The following FAF1 variants were observed in gnomAD, a reference collection of about 807,000 sequenced individuals.
FAF1 encodes the protein FAS-associated factor 1.
In FAF1, 25 loss-of-function variants were observed where a neutral mutation model predicts 92.5. The observed-to-expected ratio is 0.27, with a 90% CI of 0.20 to 0.38. FAF1 has a LOEUF of 0.38. FAF1 is among the 10% of genes least tolerant of loss of function. The pLI, the probability that FAF1 is intolerant of heterozygous loss-of-function variation, is 1.00. For synonymous variants in FAF1, 234 were observed against 273.2 expected (o/e 0.86, Z 1.42); for missense variants, 636 against 793.3 (o/e 0.80, Z 2.38).
chr1:50,920,767 C>T (rs1028309469), intron 1 of FAF1, among the ~76,000 whole-genome samples: 2 of 152,136 alleles, frequency 1.3e-5, no homozygotes, highest in Admixed American at 1.3e-4. Context: ...TTTCCTTTAT[C>T]AGCAGAAGGA....
Position 50,918,570 on chromosome 1 carries a change from AT to A in FAF1, c.45+41196del, listed in dbSNP as rs536715581. Among the ~76,000 whole-genome samples, 97 of 33,086 alleles carry A rather than the reference AT, an allele frequency of 2.9e-3. 2 individuals carry two copies. Among genetic ancestry groups the A allele is most frequent in the African/African-American group, 0.012 (90 of 7,602 alleles). The allele number at this position is 33,086 out of a possible 152,430, so 21.7% of individuals were successfully genotyped here. A position where few individuals can be genotyped will look rare whatever the true frequency, so the allele number is the denominator to read the frequency against. ...GTATTCCATGGTGTATATGTGCCACATTTTCTTAATCCAGTCTATCATTGTT... is the reference window on the plus strand; with the variant it reads ...GTATTCCATGGTGTATATGTGCCACATTTCTTAATCCAGTCTATCATTGTT... On this transcript the variant is annotated intron_variant, in intron 1 of 18. Transcript: ENST00000396153.
intron 8 of FAF1, among the ~76,000 whole-genome samples, chr1:50,616,703 C>T (rs1652929520): frequency 1.4e-5 from 2 of 145,494 alleles, no homozygotes; most frequent in Non-Finnish European, 3.0e-5. Flanking sequence ...TTTTTTGAGA[C>T]AGAGTCTCAC....
chr1:50,665,691 G>A (rs1056442373), intron 7 of FAF1, among the ~76,000 whole-genome samples: 4 of 152,114 alleles, frequency 2.6e-5, no homozygotes, highest in African/African-American at 9.7e-5. Flanking sequence ...GGCCTAAAAA[G>A]CCCAAAATAG....
At chr1:50,764,027 G>A (rs953651627) in intron 4 of FAF1, among the ~76,000 whole-genome samples, 3 of 152,154 alleles carry the variant, frequency 2.0e-5, no homozygotes, top group South Asian at 4.2e-4. Flanking sequence ...AATGGAGGAG[G>A]AGATATAAGA....
chr1:50,541,713 G>A (rs1344387234), intron 13 of FAF1, among the ~76,000 whole-genome samples: 2 of 150,930 alleles, frequency 1.3e-5, no homozygotes, highest in Non-Finnish European at 2.9e-5. Context: ...TAGCTAAACA[G>A]GATACCTACC....
Position 50,847,277 on chromosome 1 carries a change from AC to A in FAF1, c.114+10651del, listed in dbSNP as rs544972797. ...ACGTGATTTTAGAAATTAAAAAAAA[AC>A]AGACTGAGATAGGACACAGATGTTA... On this transcript the variant is annotated intron_variant, in intron 2 of 18. Coordinates refer to ENST00000396153, the MANE Select transcript of FAF1 (RefSeq NM_007051.3). Among the ~76,000 whole-genome samples, 6 of 152,260 alleles carry A rather than the reference AC, an allele frequency of 3.9e-5. No individual in the cohort carries two copies. In the South Asian group the frequency reaches 1.0e-3, roughly 26 times the overall value.
chr1:50,554,364 AATAT>A lies in FAF1; in HGVS notation c.1268+12709_1268+12712del, dbSNP rs149420376. On this transcript the variant is annotated intron_variant, in intron 13 of 18. Coordinates refer to ENST00000396153, the MANE Select transcript of FAF1 (RefSeq NM_007051.3). ...ATTGTGGAAAAGATTAAATGAGGTAAATATATATATATATATATATATATATAGA... is the reference window on the plus strand; with the variant it reads ...ATTGTGGAAAAGATTAAATGAGGTAAATATATATATATATATATATATAGA... Among the ~76,000 whole-genome samples the A allele has an allele frequency of 7.5e-3, 874 of 117,152 alleles. 16 individuals carry two copies. Among genetic ancestry groups the A allele is most frequent in the East Asian group, 0.051 (220 of 4,294 alleles). 76.9% of individuals were successfully genotyped at this position (117,152 alleles called of 152,430 possible).
intron 8 of FAF1, among the ~76,000 whole-genome samples, chr1:50,622,500 C>T (rs1431877263): frequency 2.0e-5 from 3 of 152,078 alleles, no homozygotes; most frequent in Admixed American, 6.6e-5. Context: ...ACTTCCAGGC[C>T]GCATTTAGTT....
intron 7 of FAF1, among the ~76,000 whole-genome samples, chr1:50,656,575 A>C (rs1477249574): frequency 6.6e-6 from 1 of 152,192 alleles, no homozygotes; most frequent in East Asian, 1.9e-4. Flanking sequence ...GTTAAACTCT[A>C]CGTCAGCCAG....
chr1:50,562,696 T>C lies in FAF1; in HGVS notation c.1268+4381A>G, dbSNP rs74080005. Among the ~76,000 whole-genome samples the C allele has an allele frequency of 7.7e-3, 1,166 of 152,350 alleles. 12 individuals carry two copies. The highest frequency in any genetic ancestry group is 0.027 in the African/African-American group (1,126 of 41,562). ...TATTATATATTAGCTCTTATGTCTG[T>C]TTTGCCTACTAGACTATATGTGTTT... On this transcript the variant is annotated intron_variant, in intron 13 of 18. Transcript: ENST00000396153.
At chr1:50,444,389 G>C (rs1056746426) in intron 18 of FAF1, among the ~76,000 whole-genome samples, 1 of 152,208 alleles carries the variant, frequency 6.6e-6, no homozygotes, top group African/African-American at 2.4e-5. Context: ...GTTGCTATAT[G>C]GGTAGGGAGG....
At chr1:50,793,014 G>A (rs1661618206) in intron 3 of FAF1, among the ~76,000 whole-genome samples, 1 of 151,846 alleles carries the variant, frequency 6.6e-6, no homozygotes, top group Admixed American at 6.6e-5. Flanking sequence ...TTTTTTTATG[G>A]CGGAGTCTCG....
intron 7 of FAF1, among the ~76,000 whole-genome samples, chr1:50,682,196 C>G (rs944375325): frequency 6.6e-6 from 1 of 151,982 alleles, no homozygotes; most frequent in African/African-American, 2.4e-5. Flanking sequence ...ATAGAGGGTA[C>G]TTGTACCTAA....
At chr1:50,562,114 T>G (rs1649946045) in intron 13 of FAF1, among the ~76,000 whole-genome samples, 2 of 152,188 alleles carry the variant, frequency 1.3e-5, no homozygotes, top group South Asian at 4.1e-4. Context: ...GTCCTGAATT[T>G]TAAGAAATTA....
chr1:50,938,555 T>C (rs1444597266), intron 1 of FAF1, among the ~76,000 whole-genome samples: 1 of 152,272 alleles, frequency 6.6e-6, no homozygotes, highest in Non-Finnish European at 1.5e-5. Flanking sequence ...TAGTTTCTTT[T>C]GCTGTGCAGA....
intron 4 of FAF1, among the ~76,000 whole-genome samples, chr1:50,770,299 A>G (rs973926392): frequency 4.6e-5 from 7 of 152,224 alleles, no homozygotes; most frequent in African/African-American, 1.7e-4. Flanking sequence ...CCAAATAGGA[A>G]GAGAGGAAGT....
intron 18 of FAF1, among the ~76,000 whole-genome samples, chr1:50,464,461 C>T (rs938509293): frequency 2.0e-5 from 3 of 152,146 alleles, no homozygotes; most frequent in African/African-American, 7.2e-5. Flanking sequence ...CTGTCATTGC[C>T]AAGACTCAGA....
intron 7 of FAF1, among the ~76,000 whole-genome samples, chr1:50,675,182 G>A (rs533104434): frequency 3.3e-5 from 5 of 152,288 alleles, no homozygotes; most frequent in Middle Eastern, 6.8e-3. Context: ...GAGCCACAGC[G>A]CCCAGCCAGA....
At chr1:50,629,904 C>T (rs1009760074) in intron 8 of FAF1, among the ~76,000 whole-genome samples, 6 of 151,866 alleles carry the variant, frequency 4.0e-5, no homozygotes, top group African/African-American at 1.5e-4. Context: ...ACTAAAAATA[C>T]AAAATTAGCC....
Sources: gnomAD v4.1 joint callset for allele counts (sites outside exome capture counted in the v4.1 genomes callset) on GRCh38, gnomAD v4.1.1 for gene constraint, MANE v1.5 for transcripts, NCBI Gene and HGNC (gene_info 2026-07-23, HGNC 2026-07-21) for gene names.